The following AFF3 variants were observed in gnomAD, a reference collection of about 807,000 sequenced individuals.
The protein encoded by AFF3 is AF4/FMR2 family member 3.
A neutral mutation model predicts 129.7 loss-of-function variants in AFF3; 32 were observed. The ratio of observed to expected loss-of-function variants is 0.25; its 90% CI spans 0.19 to 0.33. The LOEUF (loss-of-function observed/expected upper bound fraction) is 0.33, where lower values mean the gene tolerates loss of function less well. Among genes scored for constraint, AFF3 ranks in the 10% least tolerant of loss-of-function variants. AFF3 has a pLI of 1.00. For synonymous variants in AFF3, 644 were observed against 635.4 expected, an observed-to-expected ratio of 1.01 and a Z score of -0.20; for missense variants, 1,373 against 1,592.0, an observed-to-expected ratio of 0.86 and a Z score of 2.34.
At chr2:99,747,837 T>C (rs749442916) in intron 9 of AFF3, among the ~76,000 whole-genome samples, 18 of 152,138 alleles carry the variant, frequency 1.2e-4, no homozygotes, top group Admixed American at 2.0e-4. Flanking sequence ...TGGTGGTACA[T>C]TGAAACAACA....
chr2:99,626,555 TCCC>T (rs1371908795), intron 13 of AFF3, among the ~76,000 whole-genome samples: 29 of 116,980 alleles, frequency 2.5e-4, no homozygotes, highest in Non-Finnish European at 3.7e-4. Context: ...CCCTTCTCCC[TCCC>T]CTCCCCTCCC....
intron 22 of AFF3, among the ~76,000 whole-genome samples, chr2:99,556,641 G>C (rs1674946175): frequency 6.6e-6 from 1 of 152,172 alleles, no homozygotes; most frequent in African/African-American, 2.4e-5. Context: ...TAGCCCTTGA[G>C]GCTGGGTGTA....
At chr2:99,892,949 C>T (rs1693682065) in intron 7 of AFF3, among the ~76,000 whole-genome samples, 2 of 152,120 alleles carry the variant, frequency 1.3e-5, no homozygotes, top group Admixed American at 6.5e-5. Context: ...CCTAGAACAG[C>T]ATAGAGGGAA....
chr2:99,911,282 G>T (rs1695093554), intron 7 of AFF3, among the ~76,000 whole-genome samples: 1 of 152,132 alleles, frequency 6.6e-6, no homozygotes, highest in African/African-American at 2.4e-5. Flanking sequence ...CAGCTACTCA[G>T]GAGGCTGAGG....
chr2:100,014,882 C>CAAG (rs1274955565), intron 4 of AFF3, among the ~76,000 whole-genome samples: 1 of 149,232 alleles, frequency 6.7e-6, no homozygotes, highest in Non-Finnish European at 1.5e-5. Flanking sequence ...CTCCCAGGTT[C>CAAG]AAGTGATTCT....
intron 7 of AFF3, among the ~76,000 whole-genome samples, chr2:99,959,122 G>C (rs1426511310): frequency 6.6e-6 from 1 of 152,026 alleles, no homozygotes. Context: ...GGAGAGGACA[G>C]CAAGAGTAGA....
chr2:99,575,414 A>ATTTTTTTTTTTTTTTTTTTTTT (rs540441950), intron 18 of AFF3, among the ~76,000 whole-genome samples: 2 of 127,472 alleles, frequency 1.6e-5, no homozygotes, highest in African/African-American at 6.2e-5. Context: ...TGCCTGGCTA[A>ATTTTTTTTTTTTTTTTTTTTTT]TTTTTTTTTT....
intron 13 of AFF3, among the ~76,000 whole-genome samples, chr2:99,606,143 T>C (rs1680306858): frequency 6.7e-6 from 1 of 148,566 alleles, no homozygotes; most frequent in African/African-American, 2.5e-5. Context: ...CTGGGTGTGC[T>C]GGCATGTGCC....
chr2:99,570,585 G>A (rs916546258), intron 18 of AFF3, among the ~76,000 whole-genome samples: 4 of 152,156 alleles, frequency 2.6e-5, no homozygotes, highest in African/African-American at 9.7e-5. Context: ...TGATCCACCT[G>A]CCTCGGCCTC....
intron 13 of AFF3, among the ~76,000 whole-genome samples, chr2:99,619,884 A>G (rs530936258): frequency 6.6e-6 from 1 of 152,306 alleles, no homozygotes; most frequent in Admixed American, 6.5e-5. Context: ...AGCAAGGGTA[A>G]TAAGGCAACA....
chr2:99,715,838 AT>A (rs1470434155), intron 11 of AFF3, among the ~76,000 whole-genome samples: 1 of 151,656 alleles, frequency 6.6e-6, no homozygotes, highest in Non-Finnish European at 1.5e-5. Context: ...TGCCCGGCTA[AT>A]TTTTTTGTAT....
At chr2:99,783,231 T>TAC (rs1241253586) in intron 8 of AFF3, among the ~76,000 whole-genome samples, 1 of 152,192 alleles carries the variant, frequency 6.6e-6, no homozygotes, top group East Asian at 1.9e-4. Context: ...TGCCAACCCC[T>TAC]ACCTCTCAAG....
intron 13 of AFF3, among the ~76,000 whole-genome samples, chr2:99,609,012 C>T (rs765374746): frequency 2.0e-5 from 3 of 151,922 alleles, no homozygotes; most frequent in Non-Finnish European, 4.4e-5. Flanking sequence ...GAAGTTTTAC[C>T]CACTCAGGAA....
chr2:99,928,368 T>C (rs1028591422), intron 7 of AFF3, among the ~76,000 whole-genome samples: 2 of 152,174 alleles, frequency 1.3e-5, no homozygotes, highest in Non-Finnish European at 2.9e-5. Flanking sequence ...GATTCTTCCT[T>C]GAATACAAGT....
At position 99,941,274 on chromosome 2, in the gene AFF3, T is replaced by C. The variant is rs577939896; in HGVS notation, c.873+65358A>G. ...CGATCTCAGCACCACTCTGACCTCA[T>C]AGGACAGCAGGGATTCTTTAGAGGA... is the stretch of plus-strand genomic sequence containing the variant. On this transcript the variant is annotated intron_variant, in intron 7 of 24. Coordinates refer to ENST00000672756, the MANE Select transcript of AFF3 (RefSeq NM_001386135.1). Among the ~76,000 whole-genome samples, 229 of 152,248 alleles carry C rather than the reference T, an allele frequency of 1.5e-3. 3 individuals are homozygous for C. Among genetic ancestry groups the C allele is most frequent in the Middle Eastern group, 6.8e-3 (2 of 294 alleles).
At chr2:100,013,729 T>TCTCAGC (rs1041719659) in intron 4 of AFF3, among the ~76,000 whole-genome samples, 2 of 152,058 alleles carry the variant, frequency 1.3e-5, no homozygotes, top group Non-Finnish European at 2.9e-5. Flanking sequence ...TGGAATAAAG[T>TCTCAGC]CTCAGCTGTT....
chr2:100,028,697 T>C (rs1399403373), intron 4 of AFF3, among the ~76,000 whole-genome samples: 1 of 152,216 alleles, frequency 6.6e-6, no homozygotes, highest in African/African-American at 2.4e-5. Flanking sequence ...GAATGTTTTA[T>C]ATTAAACATT....
intron 7 of AFF3, among the ~76,000 whole-genome samples, chr2:99,847,342 AT>A (rs1323835540): frequency 1.3e-5 from 2 of 151,486 alleles, no homozygotes; most frequent in African/African-American, 4.8e-5. Context: ...CGCCCAGATA[AT>A]TTTTGTATTT....
At chr2:99,741,944 TG>T (rs1295231109) in intron 10 of AFF3, among the ~76,000 whole-genome samples, 1 of 152,196 alleles carries the variant, frequency 6.6e-6, no homozygotes, top group Non-Finnish European at 1.5e-5. Flanking sequence ...AGGGAAATGC[TG>T]GTGGGGTCAG....
Sources: allele counts gnomAD v4.1 joint callset (sites outside exome capture counted in the v4.1 genomes callset), GRCh38; gene constraint gnomAD v4.1.1; transcripts MANE v1.5; gene names NCBI Gene and HGNC (gene_info 2026-07-23, HGNC 2026-07-21).